SHTN1: variants seen among roughly 807,000 people sequenced by gnomAD.
SHTN1 encodes the protein shootin-1.
In SHTN1, 42 loss-of-function variants were observed where a neutral mutation model predicts 83.1. The observed-to-expected ratio is 0.51, with a 90% CI of 0.39 to 0.65. The LOEUF (loss-of-function observed/expected upper bound fraction) is 0.65. SHTN1 is among the 30% of genes least tolerant of loss of function. The pLI, the probability that SHTN1 is intolerant of heterozygous loss-of-function variation, is 0.00. For synonymous variants in SHTN1, 224 were observed against 247.7 expected, an observed-to-expected ratio of 0.90 and a Z score of 0.90; for missense variants, 622 against 737.8, an observed-to-expected ratio of 0.84 and a Z score of 1.82.
intron 1 of SHTN1, among the ~76,000 whole-genome samples, chr10:116,988,549 ATTTATTTT>A (rs1851306944): frequency 7.1e-6 from 1 of 140,418 alleles, no homozygotes; most frequent in African/African-American, 2.6e-5. Flanking sequence ...TTATTTATTT[ATTTATTTT>A]ATTATTTTTG....
rs1847112211 is a variant in SHTN1 at position 116,884,691 on chromosome 10, T to C, written c.*1653A>G. Reference sequence around the variant, plus strand: ...AAACTCAATAAACCATCTTAGGGACTATTAAAAATTACTAAAGTTGTCAAA... The same window carrying C: ...AAACTCAATAAACCATCTTAGGGACCATTAAAAATTACTAAAGTTGTCAAA... On this transcript the variant is annotated 3_prime_UTR_variant, in exon 17 of 17. Coordinates refer to ENST00000355371, the MANE Select transcript of SHTN1 (RefSeq NM_001127211.3). 1 of 156,144 alleles carries C rather than the reference T, an allele frequency of 6.4e-6. No homozygotes were observed. Among genetic ancestry groups the C allele is most frequent in the Non-Finnish European group, 1.4e-5 (1 of 70,112 alleles). 9.7% of individuals were successfully genotyped at this position (156,144 alleles called of 1,614,324 possible).
At chr10:116,919,011 A>G (rs1848464487) in intron 12 of SHTN1, among the ~76,000 whole-genome samples, 1 of 152,170 alleles carries the variant, frequency 6.6e-6, no homozygotes, top group South Asian at 2.1e-4. Context: ...TAGAGCCATA[A>G]GTAAGGAGTA....
chr10:117,042,807 G>A (rs1255272309), intron 2 of SHTN1, among the ~76,000 whole-genome samples: 1 of 151,868 alleles, frequency 6.6e-6, no homozygotes, highest in Non-Finnish European at 1.5e-5. Context: ...GTAGAGACGG[G>A]GTTTCACCAT....
intron 1 of SHTN1, among the ~76,000 whole-genome samples, chr10:117,072,272 T>A (rs1853091988): frequency 6.6e-6 from 1 of 152,188 alleles, no homozygotes; most frequent in African/African-American, 2.4e-5. Context: ...ACAGATGGCC[T>A]ATTGTGGGAC....
intron 16 of SHTN1, among the ~76,000 whole-genome samples, chr10:116,899,506 GGT>G (rs370396879): frequency 0.03 from 3,773 of 124,552 alleles, 68 homozygotes; most frequent in East Asian, 0.082. Context: ...GGCTGGGGCT[GGT>G]GTGTGTGTGT....
chr10:116,928,337 C>CA (rs1848820238), intron 10 of SHTN1, among the ~76,000 whole-genome samples: 1 of 152,176 alleles, frequency 6.6e-6, no homozygotes, highest in South Asian at 2.1e-4. Flanking sequence ...TAATTTCCTT[C>CA]AAAAACTGCA....
rs1301993545 is a variant in SHTN1 at position 116,956,283 on chromosome 10, A to G, written c.268-2073T>C. Among the ~76,000 whole-genome samples, 4 of 152,272 alleles carry G rather than the reference A, an allele frequency of 2.6e-5. No individual in the cohort carries two copies. The East Asian group carries it at 7.7e-4, about 29-fold the overall frequency. On this transcript the variant is annotated intron_variant, in intron 4 of 16. Transcript: ENST00000355371. Reference sequence around the variant, plus strand: ...CCAGGTGATTCTAATGTACATCAACACTAAGAATCATTGATGTAAAGAAAC... The same window carrying G: ...CCAGGTGATTCTAATGTACATCAACGCTAAGAATCATTGATGTAAAGAAAC...
chr10:117,125,635 AC>A (rs1853992696), intron 1 of SHTN1, among the ~76,000 whole-genome samples: 1 of 151,542 alleles, frequency 6.6e-6, no homozygotes, highest in Admixed American at 6.6e-5. Context: ...TCGATGTGAG[AC>A]CCCCACCTCC....
rs546389301 is a variant in SHTN1, at chr10:116,893,753, T to C, written c.1674-7187A>G. ...ACCCCAAACCTCTCTTAAGGAATGG[T>C]TATATGGCCAACTAAATTAATTTCC... is the stretch of plus-strand genomic sequence containing the variant. On this transcript the variant is annotated intron_variant, in intron 16 of 16. Coordinates refer to ENST00000355371, the MANE Select transcript of SHTN1 (RefSeq NM_001127211.3). Among the ~76,000 whole-genome samples the C allele has an allele frequency of 3.9e-5, 6 of 152,230 alleles. No homozygotes were observed. In the East Asian group the frequency reaches 1.2e-3, roughly 29 times the overall value.
intron 11 of SHTN1, among the ~76,000 whole-genome samples, chr10:116,922,291 C>CA (rs555349075): frequency 4.0e-5 from 6 of 151,628 alleles, no homozygotes; most frequent in Non-Finnish European, 7.4e-5. Flanking sequence ...ATCAAATAGA[C>CA]AAAAAAAATC....
chr10:117,010,293 T>C (rs1181125782), upstream of SHTN1, among the ~76,000 whole-genome samples: 2 of 151,712 alleles, frequency 1.3e-5, no homozygotes, highest in African/African-American at 4.8e-5. Context: ...CAATTATATG[T>C]CAACAAATTA....
chr10:116,968,788 T>G, intron 2 of SHTN1, 76 bp from the exon 3 acceptor site: 1 of 1,131,338 alleles, frequency 8.8e-7, no homozygotes, highest in South Asian at 1.4e-5. Context: ...AAGAGCAAAC[T>G]TATAAACAAC....
At chr10:116,893,784 A>T (rs1427182797) in intron 16 of SHTN1, among the ~76,000 whole-genome samples, 2 of 152,140 alleles carry the variant, frequency 1.3e-5, no homozygotes, top group Non-Finnish European at 2.9e-5. Flanking sequence ...TTTCCAGCTG[A>T]GATAATTAGT....
At chr10:117,115,862 G>A (rs1425272926) in intron 1 of SHTN1, among the ~76,000 whole-genome samples, 1 of 152,152 alleles carries the variant, frequency 6.6e-6, no homozygotes, top group African/African-American at 2.4e-5. Context: ...AGACAACTTA[G>A]TGTACAGTCT....
At chr10:116,904,570 C>T (rs529989607) in intron 15 of SHTN1, among the ~76,000 whole-genome samples, 2 of 151,934 alleles carry the variant, frequency 1.3e-5, no homozygotes, top group African/African-American at 4.8e-5. Context: ...CATTTATTAA[C>T]GATTCTACTG....
chr10:116,910,984 T>G (rs933095235), intron 14 of SHTN1, among the ~76,000 whole-genome samples: 3 of 152,240 alleles, frequency 2.0e-5, no homozygotes, highest in Non-Finnish European at 4.4e-5. Context: ...GATGTCTACA[T>G]GCAATGCATA....
At chr10:117,060,404 G>A (rs940108100) in intron 1 of SHTN1, among the ~76,000 whole-genome samples, 4 of 152,032 alleles carry the variant, frequency 2.6e-5, no homozygotes, top group African/African-American at 9.7e-5. Context: ...CTCTTTGTGG[G>A]TCTTCAATAA....
chr10:116,956,777 CT>C (rs1849993339), intron 4 of SHTN1, among the ~76,000 whole-genome samples: 1 of 152,208 alleles, frequency 6.6e-6, no homozygotes, highest in African/African-American at 2.4e-5. Context: ...ACCAGTTTGT[CT>C]GCAATACAAT....
At chr10:116,898,153 C>A (rs528526886) in intron 16 of SHTN1, among the ~76,000 whole-genome samples, 19 of 152,100 alleles carry the variant, frequency 1.2e-4, no homozygotes, top group Non-Finnish European at 2.4e-4. Flanking sequence ...CATAGTGAAA[C>A]CGCGTCTCTA....
Sources: allele counts gnomAD v4.1 joint callset (sites outside exome capture counted in the v4.1 genomes callset), GRCh38; gene constraint gnomAD v4.1.1; transcripts MANE v1.5; gene names NCBI Gene and HGNC (gene_info 2026-07-23, HGNC 2026-07-21).